The following PLA2G4A variants were observed in gnomAD, a reference collection of about 807,000 sequenced individuals.
The protein encoded by PLA2G4A is cytosolic phospholipase A2.
In PLA2G4A, 40 loss-of-function variants were observed where a neutral mutation model predicts 81.9. The observed-to-expected ratio is 0.49, with a 90% CI of 0.38 to 0.64. The LOEUF is 0.64. Among genes scored for constraint, PLA2G4A ranks in the 30% least tolerant of loss-of-function variants. The pLI, the probability that PLA2G4A is intolerant of heterozygous loss-of-function variation, is 0.00. For synonymous variants in PLA2G4A, 302 were observed against 296.9 expected, an observed-to-expected ratio of 1.02 and a Z score of -0.18; for missense variants, 715 against 905.1, an observed-to-expected ratio of 0.79 and a Z score of 2.69.
chr1:186,893,299 A>G, intron 4 of PLA2G4A, 140 bp downstream of exon 4: 1 of 788,214 alleles, frequency 1.3e-6, no homozygotes, highest in African/African-American at 1.7e-5. Context: ...TAGAATCTAA[A>G]TGGTGTCTGT....
chr1:186,939,118 C>T lies in PLA2G4A; in HGVS notation c.806C>T (p.Pro269Leu), dbSNP rs1656055506. Reference sequence around the variant, plus strand: ...CACAATCCCCTTTTACTTCTCACACCACAGAAAGTTAAAAGATATGTTGAG... The same window carrying T: ...CACAATCCCCTTTTACTTCTCACACTACAGAAAGTTAAAAGATATGTTGAG... ...VSHNPLLLLTPQKVKRYVESL... is the reference protein window; with the variant it reads ...VSHNPLLLLTLQKVKRYVESL... Residue 269 changes from proline to leucine, a missense_variant, in exon 9 of 18, where the codon CCA (proline) becomes CTA (leucine). Pro to Leu is a moderately conservative substitution (Grantham distance 98). Coordinates refer to ENST00000367466, the MANE Select transcript of PLA2G4A (RefSeq NM_024420.3). 1 of 1,605,700 alleles carries T rather than the reference C, an allele frequency of 6.2e-7. No individual in the cohort carries two copies. The highest frequency in any genetic ancestry group is 1.3e-5 in the African/African-American group (1 of 74,650).
intron 12 of PLA2G4A, among the ~76,000 whole-genome samples, chr1:186,948,320 T>C (rs1656412809): frequency 6.6e-6 from 1 of 152,120 alleles, no homozygotes; most frequent in African/African-American, 2.4e-5. Context: ...GCAAACAAGG[T>C]AGGTGGCACC....
intron 5 of PLA2G4A, among the ~76,000 whole-genome samples, chr1:186,897,090 A>T (rs1469066236): frequency 6.6e-6 from 1 of 152,218 alleles, no homozygotes; most frequent in Non-Finnish European, 1.5e-5. Flanking sequence ...CAGTGGAGGA[A>T]AAACAGCACT....
At chr1:186,922,038 A>G (rs1655371472) in intron 7 of PLA2G4A, among the ~76,000 whole-genome samples, 1 of 152,146 alleles carries the variant, frequency 6.6e-6, no homozygotes, top group Non-Finnish European at 1.5e-5. Flanking sequence ...TCCTGTTGTT[A>G]TAGTGACTCC....
intron 6 of PLA2G4A, among the ~76,000 whole-genome samples, chr1:186,909,004 T>C (rs1654841835): frequency 7.4e-6 from 1 of 135,900 alleles, no homozygotes; most frequent in Non-Finnish European, 1.6e-5. Context: ...GACGGAGTCT[T>C]GCCCTGTCAC....
intron 12 of PLA2G4A, among the ~76,000 whole-genome samples, chr1:186,947,568 A>T (rs1013732761): frequency 6.6e-6 from 1 of 152,194 alleles, no homozygotes; most frequent in Non-Finnish European, 1.5e-5. Flanking sequence ...TCATTATAGG[A>T]ATACCATAGA....
chr1:186,907,874 A>C (rs1334096167), intron 6 of PLA2G4A, among the ~76,000 whole-genome samples: 2 of 152,176 alleles, frequency 1.3e-5, no homozygotes, highest in African/African-American at 4.8e-5. Flanking sequence ...AGTCCAAGTT[A>C]TTGTGTTGCA....
At chr1:186,945,577 A>T (rs934938120) in intron 10 of PLA2G4A, among the ~76,000 whole-genome samples, 1 of 152,104 alleles carries the variant, frequency 6.6e-6, no homozygotes, top group Non-Finnish European at 1.5e-5. Context: ...TGGATAAGTG[A>T]CCAGGTTCTA....
intron 12 of PLA2G4A, among the ~76,000 whole-genome samples, chr1:186,949,387 G>GAAAGAA (rs1553219101): frequency 2.8e-5 from 4 of 145,196 alleles, no homozygotes; most frequent in African/African-American, 7.6e-5. Context: ...AAGAAAGAAA[G>GAAAGAA]AAAAAAGAAA....
At chr1:186,874,692 G>A (rs1381709152) in intron 3 of PLA2G4A, among the ~76,000 whole-genome samples, 2 of 151,952 alleles carry the variant, frequency 1.3e-5, no homozygotes, top group Admixed American at 1.3e-4. Flanking sequence ...CTTTACTTAA[G>A]TATTCAGATG....
At chr1:186,951,130 A>G (rs557268893) in intron 13 of PLA2G4A, among the ~76,000 whole-genome samples, 122 of 152,276 alleles carry the variant, frequency 8.0e-4, no homozygotes, top group Admixed American at 1.3e-3. Context: ...GAAAAATTAT[A>G]TTCTCACTCC....
intron 1 of PLA2G4A, among the ~76,000 whole-genome samples, chr1:186,830,957 G>GCTTGCTTTCTTTTT (rs1491468816): frequency 6.0e-5 from 5 of 82,716 alleles, no homozygotes; most frequent in African/African-American, 1.6e-4. Flanking sequence ...TTGCTTGCTT[G>GCTTGCTTTCTTTTT]CTTTCTTTCT....
At chr1:186,882,426 A>G (rs2102083939) in intron 3 of PLA2G4A, among the ~76,000 whole-genome samples, 1 of 152,308 alleles carries the variant, frequency 6.6e-6, no homozygotes, top group East Asian at 1.9e-4. Flanking sequence ...TCAAAAGAAA[A>G]CATAACAACA....
intron 13 of PLA2G4A, among the ~76,000 whole-genome samples, chr1:186,951,697 T>C (rs1340911643): frequency 2.0e-5 from 3 of 152,198 alleles, no homozygotes; most frequent in Non-Finnish European, 4.4e-5. Flanking sequence ...GGGCTATTAC[T>C]TCCTCAGAAG....
At chr1:186,923,945 C>T (rs993821097) in intron 7 of PLA2G4A, among the ~76,000 whole-genome samples, 7 of 152,174 alleles carry the variant, frequency 4.6e-5, no homozygotes, top group Non-Finnish European at 8.8e-5. Flanking sequence ...GATGACAAAT[C>T]CTTCATTTCT....
At chr1:186,845,279 G>A (rs1652131904) in intron 1 of PLA2G4A, among the ~76,000 whole-genome samples, 1 of 152,116 alleles carries the variant, frequency 6.6e-6, no homozygotes, top group South Asian at 2.1e-4. Flanking sequence ...AGTTGAGGCA[G>A]TTTGAGGGGG....
chr1:186,893,914 G>C (rs746423843), intron 4 of PLA2G4A, among the ~76,000 whole-genome samples, 184 bp from the exon 5 acceptor site: 19 of 86,188 alleles, frequency 2.2e-4, no homozygotes, highest in East Asian at 2.0e-3. Flanking sequence ...GTGAGACCCT[G>C]TCTCAAAAAA....
intron 7 of PLA2G4A, among the ~76,000 whole-genome samples, chr1:186,919,011 C>T (rs974947978): frequency 4.6e-5 from 7 of 152,196 alleles, no homozygotes; most frequent in Admixed American, 2.6e-4. Context: ...TGGCCTTGGC[C>T]AGGGCCCCAC....
intron 11 of PLA2G4A, 41 bp downstream of exon 11, chr1:186,946,815 C>T (rs1656362623): frequency 5.6e-6 from 9 of 1,596,240 alleles, no homozygotes; most frequent in African/African-American, 1.3e-5. Context: ...ACTTGCTTGA[C>T]TATTTTGAAA....
Sources: allele counts gnomAD v4.1 joint callset (sites outside exome capture counted in the v4.1 genomes callset), GRCh38; gene constraint gnomAD v4.1.1; transcripts MANE v1.5; gene names NCBI Gene and HGNC (gene_info 2026-07-23, HGNC 2026-07-21).